The following ZNF804A variants were observed in gnomAD, a reference collection of about 807,000 sequenced individuals.
ZNF804A encodes zinc finger protein 804A.
In ZNF804A, 2 loss-of-function variants were observed where a neutral mutation model predicts 16.5. That is an observed-to-expected ratio of 0.12 (90% CI 0.05 to 0.38). The LOEUF is 0.38. Among genes scored for constraint, ZNF804A ranks in the 10% least tolerant of loss-of-function variants. ZNF804A has a pLI of 0.99. For missense variants in ZNF804A, 1,473 were observed against 1,390.7 expected (o/e 1.06, Z -0.94); for synonymous variants, 534 against 489.6 (o/e 1.09, Z -1.20).
chr2:184,734,833 A>T, intron 1 of ZNF804A, among the ~76,000 whole-genome samples: 1 of 152,286 alleles, frequency 6.6e-6, no homozygotes, highest in East Asian at 1.9e-4. Context: ...TCCTCGTATA[A>T]CATGATGGTT....
At chr2:184,697,698 C>T (rs955441637) in intron 1 of ZNF804A, among the ~76,000 whole-genome samples, 2 of 152,018 alleles carry the variant, frequency 1.3e-5, no homozygotes, top group African/African-American at 2.4e-5. Context: ...GAAATTATCA[C>T]CATGAAAATG....
In ZNF804A at chr2:184,799,253, C is replaced by A. The variant is rs115426980; in HGVS notation, c.112-67116C>A. Among the ~76,000 whole-genome samples the A allele has an allele frequency of 7.6e-3, 1,161 of 152,138 alleles. 18 individuals are homozygous for A. Among genetic ancestry groups the A allele is most frequent in the African/African-American group, 0.027 (1,104 of 41,502 alleles). ...TCACTGCTGTCTGTCCCAGTCAGAGCTGCAATCTAGTTCTGCCTCTCATCC... is the reference window on the plus strand; with the variant it reads ...TCACTGCTGTCTGTCCCAGTCAGAGATGCAATCTAGTTCTGCCTCTCATCC... On this transcript the variant is annotated intron_variant, in intron 1 of 3. Transcript: ENST00000302277.
chr2:184,918,749 T>C lies in ZNF804A; in HGVS notation c.256-14854T>C, dbSNP rs142924593. ...TATACAAAGGTTTATGTAAAAAGACTTTACTATACACTTATTTGTAATAAT... is the reference window on the plus strand; with the variant it reads ...TATACAAAGGTTTATGTAAAAAGACCTTACTATACACTTATTTGTAATAAT... On this transcript the variant is annotated intron_variant, in intron 2 of 3. Transcript: ENST00000302277. 3.4e-3 allele frequency among the ~76,000 whole-genome samples: 522 copies of C among 152,254 alleles called. 1 individual carries two copies. The highest frequency in any genetic ancestry group is 0.012 in the African/African-American group (488 of 41,548).
intron 1 of ZNF804A, among the ~76,000 whole-genome samples, chr2:184,784,578 G>A (rs1694420509): frequency 6.6e-6 from 1 of 151,920 alleles, no homozygotes; most frequent in African/African-American, 2.4e-5. Flanking sequence ...AGTGTCCCAA[G>A]ATAGTAGCAG....
intron 1 of ZNF804A, among the ~76,000 whole-genome samples, chr2:184,851,059 A>T (rs1695594381): frequency 6.6e-6 from 1 of 151,708 alleles, no homozygotes; most frequent in African/African-American, 2.4e-5. Flanking sequence ...TATAAAATTT[A>T]TTTTTAATTG....
At chr2:184,677,264 T>A (rs1214237409) in intron 1 of ZNF804A, among the ~76,000 whole-genome samples, 1 of 151,908 alleles carries the variant, frequency 6.6e-6, no homozygotes, top group Non-Finnish European at 1.5e-5. Flanking sequence ...TTTTTCTAGG[T>A]TGTCATTCTT....
chr2:184,656,640 G>T (rs1212298079), intron 1 of ZNF804A, among the ~76,000 whole-genome samples: 1 of 151,514 alleles, frequency 6.6e-6, no homozygotes, highest in Non-Finnish European at 1.5e-5. Flanking sequence ...CTGAATTGGG[G>T]CATTTTTCTT....
intron 1 of ZNF804A, among the ~76,000 whole-genome samples, chr2:184,623,171 T>C (rs1218079212): frequency 3.3e-5 from 5 of 152,024 alleles, no homozygotes; most frequent in Admixed American, 2.6e-4. Context: ...AAGTACAACA[T>C]GTTTTATCCT....
At chr2:184,610,271 CT>C (rs1433076351) in intron 1 of ZNF804A, among the ~76,000 whole-genome samples, 1 of 152,110 alleles carries the variant, frequency 6.6e-6, no homozygotes, top group Non-Finnish European at 1.5e-5. Context: ...TAAAAAATAA[CT>C]TTTTTAATGT....
At chr2:184,824,564 T>C (rs1695131085) in intron 1 of ZNF804A, among the ~76,000 whole-genome samples, 2 of 152,194 alleles carry the variant, frequency 1.3e-5, no homozygotes, top group South Asian at 4.1e-4. Context: ...CTCATCCTTC[T>C]ATACACATCT....
chr2:184,896,579 G>T (rs994597914), intron 2 of ZNF804A, among the ~76,000 whole-genome samples: 2 of 152,034 alleles, frequency 1.3e-5, no homozygotes, highest in Non-Finnish European at 2.9e-5. Context: ...TGTTTATAAT[G>T]AAATTTGACA....
chr2:184,929,718 T>C (rs918096996), intron 2 of ZNF804A, among the ~76,000 whole-genome samples: 2 of 152,192 alleles, frequency 1.3e-5, no homozygotes, highest in African/African-American at 4.8e-5. Flanking sequence ...TTATTTCACC[T>C]GGTATTTTAC....
chr2:184,725,468 A>C (rs1043080270), intron 1 of ZNF804A, among the ~76,000 whole-genome samples: 3 of 151,654 alleles, frequency 2.0e-5, no homozygotes, highest in Non-Finnish European at 4.4e-5. Flanking sequence ...TACTCTAATA[A>C]TAATTTTCCA....
intron 2 of ZNF804A, among the ~76,000 whole-genome samples, chr2:184,870,600 C>T (rs1035781712): frequency 1.3e-5 from 2 of 151,860 alleles, no homozygotes; most frequent in South Asian, 2.1e-4. Context: ...CCATTCAAGT[C>T]GTTCACTGTT....
intron 1 of ZNF804A, among the ~76,000 whole-genome samples, chr2:184,863,412 T>G (rs957627905): frequency 5.3e-5 from 8 of 152,154 alleles, no homozygotes; most frequent in African/African-American, 1.9e-4. Flanking sequence ...TTACTGTTTT[T>G]ATTTTTAAAA....
chr2:184,842,560 G>T (rs1695454346), intron 1 of ZNF804A, among the ~76,000 whole-genome samples: 1 of 151,232 alleles, frequency 6.6e-6, no homozygotes, highest in African/African-American at 2.4e-5. Context: ...GGAAATAGTA[G>T]AACTAGTATA....
chr2:184,721,567 A>G (rs1249978230), intron 1 of ZNF804A, among the ~76,000 whole-genome samples: 1 of 152,142 alleles, frequency 6.6e-6, no homozygotes, highest in African/African-American at 2.4e-5. Context: ...GGCTGTTATT[A>G]AAGCTACAAA....
chr2:184,644,923 A>G (rs1030165610), intron 1 of ZNF804A, among the ~76,000 whole-genome samples: 2 of 152,052 alleles, frequency 1.3e-5, no homozygotes, highest in African/African-American at 4.8e-5. Flanking sequence ...ATCTGTCACA[A>G]TTACCTGGTG....
Position 184,938,720 on chromosome 2 carries a change from A to AGCT in ZNF804A, c.3330_3332dup (p.Ala1119dup). 2 of 1,608,244 alleles carry AGCT rather than the reference A, an allele frequency of 1.2e-6. No individual in the cohort carries two copies. The highest frequency in any genetic ancestry group is 1.3e-5 in the African/African-American group (1 of 74,746). On this transcript the variant is annotated inframe_insertion, in exon 4 of 4. Transcript: ENST00000302277. ...ACACTGTTTTGCAGCAGCACGCTGC[A>AGCT]GCTGCTGCAGCTGCAGCTGCAGCCG...
Sources: allele counts gnomAD v4.1 joint callset (sites outside exome capture counted in the v4.1 genomes callset), GRCh38; gene constraint gnomAD v4.1.1; transcripts MANE v1.5; gene names NCBI Gene and HGNC (gene_info 2026-07-23, HGNC 2026-07-21).